The following KLHL29 variants were observed in gnomAD, a reference collection of about 807,000 sequenced individuals.
KLHL29 encodes kelch like family member 29.
A neutral mutation model predicts 80.4 loss-of-function variants in KLHL29; 21 were observed. That is an observed-to-expected ratio of 0.26 (90% CI 0.19 to 0.38). The LOEUF (loss-of-function observed/expected upper bound fraction) is 0.38. Ranked by LOEUF, KLHL29 falls within the 10% of genes least tolerant of loss-of-function variation. KLHL29 has a pLI of 1.00. For missense variants in KLHL29, 867 were observed against 1,223.9 expected (o/e 0.71, Z 4.35); for synonymous variants, 511 against 526.8 (o/e 0.97, Z 0.41).
rs1034747927 is a variant in KLHL29, at chr2:23,706,740, G to A, written c.*76G>A. On this transcript the variant is annotated 3_prime_UTR_variant, in exon 14 of 14. Transcript: ENST00000486442. ...TGCCACGCAATGATAATTTTCCAGC[G>A]ACACCAACAAGAGGCCAACAAAACA... 14 of 1,117,056 alleles carry A rather than the reference G, an allele frequency of 1.3e-5. 1 individual carries two copies. The highest frequency in any genetic ancestry group is 5.7e-5 in the South Asian group (3 of 53,008). 69.2% of individuals were successfully genotyped at this position (1,117,056 alleles called of 1,614,324 possible). A position where few individuals can be genotyped will look rare whatever the true frequency, so the allele number is the denominator to read the frequency against.
intron 5 of KLHL29, chr2:23,672,578 A>G (rs139101253): frequency 8.7e-5 from 13 of 150,234 alleles, no homozygotes. Context: ...CTCCTTCCTC[A>G]TAAGGCCTCT....
At chr2:23,576,319 A>C (rs1253893433) in intron 3 of KLHL29, among the ~76,000 whole-genome samples, 1 of 122,070 alleles carries the variant, frequency 8.2e-6, no homozygotes, top group South Asian at 2.9e-4. Context: ...AAAAAAAAAA[A>C]AAAAACGAAA....
At chr2:23,685,865 A>G (rs1030378216) in intron 6 of KLHL29, among the ~76,000 whole-genome samples, 49 of 152,250 alleles carry the variant, frequency 3.2e-4, no homozygotes, top group African/African-American at 1.1e-3. Context: ...CGGATCATGG[A>G]TGAGCGTCCT....
chr2:23,654,396 C>T (rs1360151659), intron 5 of KLHL29, among the ~76,000 whole-genome samples: 2 of 152,164 alleles, frequency 1.3e-5, no homozygotes. Context: ...ATTCTGAAGG[C>T]TCCTAATCCA....
chr2:23,412,477 C>G (rs1666888831), intron 1 of KLHL29, among the ~76,000 whole-genome samples: 1 of 152,104 alleles, frequency 6.6e-6, no homozygotes, highest in South Asian at 2.1e-4. Flanking sequence ...AGGGCTCAAA[C>G]TTGAACCAGT....
At chr2:23,689,764 G>A (rs1671464375) in intron 6 of KLHL29, 1 of 152,392 alleles carries the variant, frequency 6.6e-6, no homozygotes, top group Non-Finnish European at 1.5e-5. Context: ...AGGAGTACGA[G>A]GTTGACCAGA....
rs4665231 is a variant in KLHL29, at chr2:23,585,251, C to T, written c.285+22770C>T. ...TGCTCGGCAACATGGCAGCTGAAAT[C>T]GGTATAAGAAAGGAGATGGATTACA... is the stretch of plus-strand genomic sequence containing the variant. On this transcript the variant is annotated intron_variant, in intron 3 of 13. Transcript: ENST00000486442. Among the ~76,000 whole-genome samples, 442 of 152,248 alleles carry T rather than the reference C, an allele frequency of 2.9e-3. 5 individuals carry two copies. The highest frequency in any genetic ancestry group is 0.01 in the Admixed American group (155 of 15,300).
At chr2:23,441,674 C>T (rs1240361696) in intron 1 of KLHL29, among the ~76,000 whole-genome samples, 2 of 152,158 alleles carry the variant, frequency 1.3e-5, no homozygotes, top group African/African-American at 4.8e-5. Flanking sequence ...AGATGGCTCA[C>T]TCACATGACT....
At chr2:23,399,826 T>C (rs1666544716) in intron 1 of KLHL29, among the ~76,000 whole-genome samples, 1 of 152,226 alleles carries the variant, frequency 6.6e-6, no homozygotes, top group Admixed American at 6.5e-5. Context: ...ACTCACAGTG[T>C]GCACTCTTGT....
At chr2:23,683,984 C>G (rs1671167141) in intron 5 of KLHL29, among the ~76,000 whole-genome samples, 1 of 152,206 alleles carries the variant, frequency 6.6e-6, no homozygotes, top group African/African-American at 2.4e-5. Context: ...CAGTGCCATG[C>G]TTGACTTGGT....
At chr2:23,645,440 A>T (rs923455879) in intron 5 of KLHL29, among the ~76,000 whole-genome samples, 1 of 152,092 alleles carries the variant, frequency 6.6e-6, no homozygotes, top group African/African-American at 2.4e-5. Flanking sequence ...GCGTCAACAC[A>T]AGTCAGAACT....
At chr2:23,553,812 T>TG (rs1308519947) in intron 2 of KLHL29, among the ~76,000 whole-genome samples, 4 of 152,160 alleles carry the variant, frequency 2.6e-5, no homozygotes. Context: ...CCCAGCCCTG[T>TG]GCTCGGGCAG....
At chr2:23,485,872 A>G (rs1664921056) in intron 2 of KLHL29, among the ~76,000 whole-genome samples, 1 of 152,260 alleles carries the variant, frequency 6.6e-6, no homozygotes, top group Admixed American at 6.5e-5. Flanking sequence ...ATGAGTTAAC[A>G]TAATAAAGTG....
chr2:23,480,074 A>G (rs149465371), intron 2 of KLHL29, among the ~76,000 whole-genome samples: 40 of 152,340 alleles, frequency 2.6e-4, no homozygotes, highest in Admixed American at 5.2e-4. Flanking sequence ...CTGAGCTGTA[A>G]AACGGGAATA....
chr2:23,561,341 G>A (rs1468365402), intron 2 of KLHL29, among the ~76,000 whole-genome samples: 1 of 152,166 alleles, frequency 6.6e-6, no homozygotes, highest in Non-Finnish European at 1.5e-5. Context: ...CAAGTATCAT[G>A]GTGTGTCCAG....
chr2:23,390,506 A>G (rs368782306), intron 1 of KLHL29, among the ~76,000 whole-genome samples: 91 of 151,962 alleles, frequency 6.0e-4, no homozygotes, highest in African/African-American at 2.1e-3. Flanking sequence ...TTTTAAGGAT[A>G]TATGTATGTG....
At chr2:23,391,724 C>T (rs1302426533) in intron 1 of KLHL29, among the ~76,000 whole-genome samples, 3 of 152,218 alleles carry the variant, frequency 2.0e-5, no homozygotes, top group Non-Finnish European at 4.4e-5. Context: ...TAGGCATTAG[C>T]CACCGCGCCC....
At chr2:23,627,328 T>G (rs1669340754) in intron 3 of KLHL29, among the ~76,000 whole-genome samples, 2 of 152,338 alleles carry the variant, frequency 1.3e-5, no homozygotes, top group Admixed American at 6.5e-5. Context: ...GGATCCTGCC[T>G]GGCCACACGT....
At chr2:23,561,642 A>G (rs1051641936) in intron 2 of KLHL29, among the ~76,000 whole-genome samples, 5 of 152,198 alleles carry the variant, frequency 3.3e-5, no homozygotes, top group Non-Finnish European at 1.5e-5. Flanking sequence ...TCGACCCTCA[A>G]CTGGGAACCA....
Sources: allele counts gnomAD v4.1 joint callset (sites outside exome capture counted in the v4.1 genomes callset), GRCh38; gene constraint gnomAD v4.1.1; transcripts MANE v1.5; gene names NCBI Gene and HGNC (gene_info 2026-07-23, HGNC 2026-07-21).